SPECC1: variants seen among roughly 807,000 people sequenced by gnomAD.
SPECC1 encodes the protein sperm antigen with calponin homology and coiled-coil domains 1, also known as cytospin-B.
In SPECC1, 62 loss-of-function variants were observed where a neutral mutation model predicts 104.1. That is an observed-to-expected ratio of 0.60 (90% CI 0.49 to 0.74). The LOEUF is 0.74. Among genes scored for constraint, SPECC1 ranks in the 30% least tolerant of loss-of-function variants. The probability of loss-of-function intolerance (pLI) is 0.00; values close to 1 mark genes in which losing one functional copy is unlikely to be tolerated. For synonymous variants in SPECC1, 513 were observed against 501.6 expected (o/e 1.02, Z -0.30); for missense variants, 1,306 against 1,310.5 (o/e 1.00, Z 0.05).
rs931946233 is a variant in SPECC1, at chr17:20,031,186, G to A, written c.-22+21762G>A. Among the ~76,000 whole-genome samples the A allele has an allele frequency of 3.9e-5, 6 of 152,106 alleles. No individual in the cohort carries two copies. The East Asian group carries it at 1.2e-3, about 29-fold the overall frequency. ...ATTTTTGTATTTTTAGCAGAGACAG[G>A]GTTTTGCCATGTTGGCCAGGCTGGT... On this transcript the variant is annotated intron_variant, in intron 1 of 14. Coordinates refer to ENST00000395527, the MANE Select transcript of SPECC1 (RefSeq NM_001243439.2).
At chr17:20,288,771 CTTTTTTTT>C (rs60578647) in intron 12 of SPECC1, among the ~76,000 whole-genome samples, 6 of 73,708 alleles carry the variant, frequency 8.1e-5, no homozygotes, top group Non-Finnish European at 9.3e-5. Flanking sequence ...AAGGGCACTT[CTTTTTTTT>C]TTTTTTTTTT....
At chr17:20,139,313 A>G (rs2030449558) in intron 3 of SPECC1, among the ~76,000 whole-genome samples, 1 of 152,020 alleles carries the variant, frequency 6.6e-6, no homozygotes, top group Admixed American at 6.5e-5. Flanking sequence ...CACTCCTCCC[A>G]CTGTTTGCTG....
intron 1 of SPECC1, among the ~76,000 whole-genome samples, chr17:20,095,283 A>T (rs987691327): frequency 7.2e-5 from 11 of 152,272 alleles, no homozygotes; most frequent in Non-Finnish European, 1.6e-4. Context: ...TACTTGGAAC[A>T]AAGCTGAGAC....
chr17:20,059,514 A>T (rs922591479), intron 1 of SPECC1, among the ~76,000 whole-genome samples: 1 of 152,090 alleles, frequency 6.6e-6, no homozygotes, highest in African/African-American at 2.4e-5. Flanking sequence ...TAGATCATCA[A>T]CTCTGCTCTG....
chr17:20,280,474 G>C (rs77161723), intron 12 of SPECC1, among the ~76,000 whole-genome samples: 1 of 152,186 alleles, frequency 6.6e-6, no homozygotes, highest in South Asian at 2.1e-4. Context: ...TCCAGATGTC[G>C]TGAAGGACCT....
At chr17:20,142,856 CA>C (rs1317942566) in intron 3 of SPECC1, among the ~76,000 whole-genome samples, 10 of 151,402 alleles carry the variant, frequency 6.6e-5, no homozygotes, top group African/African-American at 2.2e-4. Flanking sequence ...AAAAATTAGC[CA>C]GGCATGGTGG....
At chr17:20,025,991 T>C (rs1398275308) in intron 1 of SPECC1, among the ~76,000 whole-genome samples, 1 of 152,142 alleles carries the variant, frequency 6.6e-6, no homozygotes, top group Admixed American at 6.5e-5. Context: ...TTCGTGTCTT[T>C]ATTGGCCAAT....
At chr17:20,025,224 C>G (rs981082928) in intron 1 of SPECC1, among the ~76,000 whole-genome samples, 3 of 152,158 alleles carry the variant, frequency 2.0e-5, no homozygotes, top group Admixed American at 1.3e-4. Context: ...TGGGACAGAG[C>G]CTTGCCTCAG....
At chr17:20,208,587 G>A (rs2036934063) in intron 4 of SPECC1, among the ~76,000 whole-genome samples, 2 of 152,170 alleles carry the variant, frequency 1.3e-5, no homozygotes, top group Admixed American at 1.3e-4. Context: ...TGCTGGACTG[G>A]GTCCTCTTGA....
chr17:20,023,565 A>G (rs757441596), intron 1 of SPECC1, among the ~76,000 whole-genome samples: 24 of 152,274 alleles, frequency 1.6e-4, no homozygotes, highest in Non-Finnish European at 2.8e-4. Flanking sequence ...GACGTTCTAG[A>G]AGAAGGTGAT....
chr17:20,121,645 T>C (rs750079128), intron 3 of SPECC1, among the ~76,000 whole-genome samples: 4 of 152,202 alleles, frequency 2.6e-5, no homozygotes, highest in Non-Finnish European at 4.4e-5. Flanking sequence ...CCAGTTCTTA[T>C]TATTCTTTTT....
chr17:20,012,028 CT>C (rs2043961486), intron 1 of SPECC1, among the ~76,000 whole-genome samples: 1 of 152,098 alleles, frequency 6.6e-6, no homozygotes, highest in African/African-American at 2.4e-5. Flanking sequence ...TTTATTCTCC[CT>C]GTATTCTAGA....
intron 3 of SPECC1, among the ~76,000 whole-genome samples, chr17:20,152,544 C>T (rs903156656): frequency 6.6e-6 from 1 of 152,176 alleles, no homozygotes; most frequent in Non-Finnish European, 1.5e-5. Context: ...GTTCAGAGTG[C>T]CAGCATGGCT....
At chr17:20,101,742 A>G (rs1243882685) in intron 2 of SPECC1, among the ~76,000 whole-genome samples, 2 of 152,224 alleles carry the variant, frequency 1.3e-5, no homozygotes, top group African/African-American at 4.8e-5. Flanking sequence ...AGCAGATCCT[A>G]AGGCTCCCAT....
chr17:20,128,066 G>C (rs1274229417), intron 3 of SPECC1, among the ~76,000 whole-genome samples: 1 of 152,072 alleles, frequency 6.6e-6, no homozygotes, highest in East Asian at 1.9e-4. Flanking sequence ...GAAATAAAAG[G>C]CAAATAATTT....
intron 1 of SPECC1, among the ~76,000 whole-genome samples, chr17:20,020,009 C>T (rs1205032476): frequency 1.3e-5 from 2 of 152,176 alleles, no homozygotes; most frequent in African/African-American, 4.8e-5. Flanking sequence ...GGGTGACATG[C>T]ATAGAGCTGG....
chr17:20,082,642 A>G (rs2047018107), intron 1 of SPECC1, among the ~76,000 whole-genome samples: 1 of 152,094 alleles, frequency 6.6e-6, no homozygotes, highest in South Asian at 2.1e-4. Flanking sequence ...GTATCTTCAC[A>G]TGGTTATCCC....
At chr17:20,123,328 G>A (rs1398584857) in intron 3 of SPECC1, among the ~76,000 whole-genome samples, 1 of 152,220 alleles carries the variant, frequency 6.6e-6, no homozygotes, top group Non-Finnish European at 1.5e-5. Context: ...TAGTTTTACT[G>A]TGGCCAAACT....
chr17:20,227,002 TGCC>T (rs2038255343), intron 4 of SPECC1, among the ~76,000 whole-genome samples: 5 of 151,888 alleles, frequency 3.3e-5, no homozygotes, highest in African/African-American at 4.8e-5. Context: ...GCAGGGCCAG[TGCC>T]TCCCAGGGAA....
Sources: gnomAD v4.1 joint callset for allele counts (sites outside exome capture counted in the v4.1 genomes callset) on GRCh38, gnomAD v4.1.1 for gene constraint, MANE v1.5 for transcripts, NCBI Gene and HGNC (gene_info 2026-07-23, HGNC 2026-07-21) for gene names.